Variants in RP1 observed in about 807,000 individuals in gnomAD.
RP1 encodes RP1 axonemal microtubule associated.
Under a neutral mutation model 14.8 loss-of-function variants are expected in RP1, and 16 were observed. The ratio of observed to expected loss-of-function variants is 1.08; its 90% CI spans 0.73 to 1.65. The LOEUF (loss-of-function observed/expected upper bound fraction) is 1.65, where lower values mean the gene tolerates loss of function less well. Ranked by LOEUF, RP1 falls within the 40% of genes most tolerant of loss-of-function variation. The probability of loss-of-function intolerance (pLI) is 0.00; values close to 1 mark genes in which losing one functional copy is unlikely to be tolerated. For missense variants in RP1, 2,631 were observed against 2,535.0 expected (o/e 1.04, Z -0.81); for synonymous variants, 876 against 883.6 (o/e 0.99, Z 0.15).
At chr8:54,638,616 C>G in intron 3 of RP1, among the ~76,000 whole-genome samples, 1 of 152,130 alleles carries the variant, frequency 6.6e-6, no homozygotes, top group East Asian at 1.9e-4. Flanking sequence ...TGTGACCCCT[C>G]TCCCCTTCCC....
At chr8:54,763,866 C>T (rs370322034) in intron 22 of RP1, among the ~76,000 whole-genome samples, 76 of 152,270 alleles carry the variant, frequency 5.0e-4, no homozygotes, top group African/African-American at 1.8e-3. Flanking sequence ...CAGTTAACAC[C>T]TTTAAAGTGT....
chr8:54,777,077 G>A (rs918131647), intron 23 of RP1, among the ~76,000 whole-genome samples: 1 of 152,068 alleles, frequency 6.6e-6, no homozygotes, highest in Non-Finnish European at 1.5e-5. Flanking sequence ...TTTGTGCCTC[G>A]GTTTCTTTCC....
At chr8:54,725,425 A>G (rs989350472) in intron 16 of RP1, among the ~76,000 whole-genome samples, 4 of 152,210 alleles carry the variant, frequency 2.6e-5, no homozygotes, top group Non-Finnish European at 4.4e-5. Context: ...GATATCTTAT[A>G]ACACCTGAAG....
intron 3 of RP1, among the ~76,000 whole-genome samples, chr8:54,648,786 T>C (rs1424473687): frequency 6.6e-6 from 1 of 152,210 alleles, no homozygotes; most frequent in Non-Finnish European, 1.5e-5. Flanking sequence ...ATATTCTCAC[T>C]GTCACATTGT....
intron 1 of RP1, among the ~76,000 whole-genome samples, chr8:54,609,439 G>A (rs1805538749): frequency 6.6e-6 from 1 of 152,082 alleles, no homozygotes; most frequent in Non-Finnish European, 1.5e-5. Flanking sequence ...GTGTGACAGA[G>A]CAAAACCTTG....
At position 54,650,969 on chromosome 8, in the gene RP1, AT is replaced by A. The variant is rs938909408; in HGVS notation, c.952-1801del. 2.5e-4 allele frequency among the ~76,000 whole-genome samples: 37 copies of A among 148,488 alleles called. 2 individuals carry two copies. Among genetic ancestry groups the A allele is most frequent in the Admixed American group, 2.0e-3 (30 of 14,890 alleles). The stretch of plus-strand genomic sequence containing the variant: ...TTCTTTTCAATTTCTAGTTTGTTGA[AT>A]TTTTTTTTTAATCATGAAAGGGCAT... On this transcript the variant is annotated intron_variant, in intron 4 of 22. Coordinates refer to the RP1 transcript ENST00000636932.
chr8:54,812,797 C>CTATCTATCTA (rs924343035), intron 24 of RP1, among the ~76,000 whole-genome samples: 1 of 150,530 alleles, frequency 6.6e-6, no homozygotes, highest in East Asian at 1.9e-4. Context: ...ATCTATCTAT[C>CTATCTATCTA]TATCTATCTA....
At chr8:54,564,948 A>G (rs566358025) in intron 1 of RP1, among the ~76,000 whole-genome samples, 4 of 152,034 alleles carry the variant, frequency 2.6e-5, no homozygotes, top group Admixed American at 1.3e-4. Context: ...TAGAGATGAG[A>G]TCTTACTATG....
chr8:54,780,980 T>A (rs1810172239), intron 23 of RP1: 3 of 981,588 alleles, frequency 3.1e-6, no homozygotes, highest in Non-Finnish European at 3.6e-6. Context: ...TGAGAAGAAA[T>A]CCGAATTTAT....
At chr8:54,581,062 T>C (rs1050517402) in intron 1 of RP1, among the ~76,000 whole-genome samples, 2 of 152,196 alleles carry the variant, frequency 1.3e-5, no homozygotes, top group Non-Finnish European at 2.9e-5. Context: ...CGTGCAGTTT[T>C]GTTACATATG....
intron 16 of RP1, among the ~76,000 whole-genome samples, chr8:54,720,866 T>G (rs969016180): frequency 1.3e-5 from 2 of 152,236 alleles, no homozygotes; most frequent in Non-Finnish European, 2.9e-5. Flanking sequence ...AACATGTATT[T>G]GTGTTCAAAC....
intron 15 of RP1, among the ~76,000 whole-genome samples, chr8:54,707,806 A>C (rs1808187012): frequency 6.6e-6 from 1 of 152,242 alleles, no homozygotes; most frequent in Admixed American, 6.5e-5. Flanking sequence ...GGCGAAGCAC[A>C]TGCACATACA....
chr8:54,732,599 T>C (rs1808820702), intron 17 of RP1, among the ~76,000 whole-genome samples: 1 of 152,126 alleles, frequency 6.6e-6, no homozygotes, highest in Admixed American at 6.5e-5. Flanking sequence ...ATGATCGACA[T>C]CCTAAAATGT....
chr8:54,626,407 T>C lies in RP1; in HGVS notation c.2525T>C (p.Val842Ala). 6.2e-7 allele frequency: 1 copy of C among 1,613,482 alleles called. No individual in the cohort carries two copies. The highest frequency in any genetic ancestry group is 2.2e-5 in the East Asian group (1 of 44,792). The change falls in exon 4 of 4, where the codon GTG becomes GCG. Residue 842 changes from valine (V) to alanine (A), a missense_variant. Val to Ala is a moderately conservative substitution (Grantham distance 64, BLOSUM62 0). Transcript: ENST00000220676. The part of the protein sequence containing the change: ...DFYAPQSQAE[V>A]ASGYLRGMAK... ...TATGCACCGCAATCTCAAGCAGAAG[T>C]GGCATCTGGGTATTTGAGAGGAATG...
At chr8:54,571,955 T>C (rs1804533211) in intron 1 of RP1, among the ~76,000 whole-genome samples, 1 of 152,168 alleles carries the variant, frequency 6.6e-6, no homozygotes, top group Admixed American at 6.5e-5. Flanking sequence ...TTAAGTTAAG[T>C]CATCTATTTG....
chr8:54,640,413 T>C (rs1806431739), intron 3 of RP1, among the ~76,000 whole-genome samples: 1 of 152,228 alleles, frequency 6.6e-6, no homozygotes. Flanking sequence ...TTTTCCAACT[T>C]TGTTCTCTTT....
At chr8:54,635,238 A>G (rs909897043), downstream of RP1, among the ~76,000 whole-genome samples, 1 of 152,240 alleles carries the variant, frequency 6.6e-6, no homozygotes, top group Non-Finnish European at 1.5e-5. Context: ...AACAATCAGT[A>G]ACAGCAAGAA....
At chr8:54,678,357 G>A in intron 8 of RP1, 1 of 898,802 alleles carries the variant, frequency 1.1e-6, no homozygotes, top group Non-Finnish European at 1.7e-6. Context: ...TATTGTACAA[G>A]ACCTTTACAT....
Position 54,629,221 on chromosome 8 carries a change from G to A in RP1, c.5339G>A (p.Ser1780Asn). The A allele has an allele frequency of 5.0e-6, 8 of 1,614,114 alleles. No individual in the cohort carries two copies. Among genetic ancestry groups the A allele is most frequent in the Non-Finnish European group, 6.8e-6 (8 of 1,179,974 alleles). ...GTGGACACCCTACTTGATAATAACA[G>A]CAGTGAGGTACCATATTCACATTTT... is the stretch of plus-strand genomic sequence containing the variant. ...TSVDTLLDNN[S>N]SEVPYSHFGN... is the part of the protein sequence containing the mutation. The change falls in exon 4 of 4, where the codon AGC becomes AAC. Residue 1780 changes from serine (S) to asparagine (N), a missense_variant. Physicochemically the swap from Ser to Asn is conservative, Grantham distance 46. Coordinates refer to ENST00000220676, the MANE Select transcript of RP1 (RefSeq NM_006269.2).
Sources: gnomAD v4.1 joint callset for allele counts (sites outside exome capture counted in the v4.1 genomes callset) on GRCh38, gnomAD v4.1.1 for gene constraint, MANE v1.5 for transcripts, NCBI Gene and HGNC (gene_info 2026-07-23, HGNC 2026-07-21) for gene names.